Variants in PLD5 observed in about 807,000 individuals in gnomAD.
PLD5 encodes inactive phospholipase D5.
A neutral mutation model predicts 61.1 loss-of-function variants in PLD5; 36 were observed. The observed-to-expected ratio is 0.59, with a 90% confidence interval of 0.45 to 0.78. The LOEUF (loss-of-function observed/expected upper bound fraction) is 0.78. PLD5 is among the 30% of genes least tolerant of loss of function. The pLI, the probability that PLD5 is intolerant of heterozygous loss-of-function variation, is 0.00. For synonymous variants in PLD5, 243 were observed against 242.8 expected (o/e 1.00, Z -0.01); for missense variants, 515 against 644.4 (o/e 0.80, Z 2.17).
At chr1:242,388,306 C>A (rs545725657) in intron 1 of PLD5, among the ~76,000 whole-genome samples, 36 of 152,226 alleles carry the variant, frequency 2.4e-4, no homozygotes, top group African/African-American at 8.7e-4. Flanking sequence ...GTGATGAGCA[C>A]CTATGTGAAA....
chr1:242,208,282 C>T (rs1669573738), intron 5 of PLD5, among the ~76,000 whole-genome samples: 1 of 152,078 alleles, frequency 6.6e-6, no homozygotes, highest in Admixed American at 6.6e-5. Context: ...TCCATCTTCT[C>T]TCTGTGACCC....
chr1:242,300,679 CA>C (rs1363374280), intron 2 of PLD5, among the ~76,000 whole-genome samples: 4 of 151,430 alleles, frequency 2.6e-5, no homozygotes, highest in Non-Finnish European at 4.4e-5. Context: ...GTGGATTGGA[CA>C]GGGGTGGAAC....
At chr1:242,182,597 C>A (rs975538251) in intron 5 of PLD5, among the ~76,000 whole-genome samples, 4 of 152,148 alleles carry the variant, frequency 2.6e-5, no homozygotes, top group Non-Finnish European at 4.4e-5. Flanking sequence ...AATTCCAGCA[C>A]TTTGGGAGGC....
intron 9 of PLD5, among the ~76,000 whole-genome samples, chr1:242,097,853 T>C (rs1660370714): frequency 6.6e-6 from 1 of 152,202 alleles, no homozygotes; most frequent in Admixed American, 6.5e-5. Flanking sequence ...TTGCCTAGGT[T>C]TTCTTCTAGG....
chr1:242,316,357 A>G (rs1268869203), intron 2 of PLD5, among the ~76,000 whole-genome samples: 2 of 152,132 alleles, frequency 1.3e-5, no homozygotes, highest in Non-Finnish European at 2.9e-5. Context: ...GTGCTCTGTT[A>G]CTGGAGCACA....
Position 242,394,957 on chromosome 1 carries a change from G to GAATATATA in PLD5, c.190-46723_190-46716dup, listed in dbSNP as rs1558527782. On this transcript the variant is annotated intron_variant, in intron 1 of 9. Transcript: ENST00000536534. ...TATATGAATATATATGATTATATAT[G>GAATATATA]AATATATATGATTATATATGAATAT... Among the ~76,000 whole-genome samples the GAATATATA allele has an allele frequency of 9.7e-5, 10 of 102,852 alleles. 1 individual carries two copies. Among genetic ancestry groups the GAATATATA allele is most frequent in the African/African-American group, 2.3e-4 (6 of 25,794 alleles). 67.5% of individuals were successfully genotyped at this position (102,852 alleles called of 152,430 possible). A position where few individuals can be genotyped will look rare whatever the true frequency, so the allele number is the denominator to read the frequency against.
chr1:242,355,880 G>A (rs1660725551), intron 1 of PLD5, among the ~76,000 whole-genome samples: 1 of 151,828 alleles, frequency 6.6e-6, no homozygotes, highest in Non-Finnish European at 1.5e-5. Flanking sequence ...TAATTTCATT[G>A]AGTTTTCTGA....
chr1:242,372,586 A>G lies in PLD5; in HGVS notation c.190-24344T>C, dbSNP rs565303864. On this transcript the variant is annotated intron_variant, in intron 1 of 9. Transcript: ENST00000536534. The stretch of plus-strand genomic sequence containing the variant: ...ACCAAAACAGCATGGCACTGGTACC[A>G]AAACAGAGATATAGACCAATCAAAC... Among the ~76,000 whole-genome samples, 6 of 152,364 alleles carry G rather than the reference A, an allele frequency of 3.9e-5. No homozygotes were observed. The East Asian group carries it at 1.2e-3, about 29-fold the overall frequency.
At chr1:242,229,682 G>A (rs1401131037) in intron 4 of PLD5, among the ~76,000 whole-genome samples, 1 of 151,962 alleles carries the variant, frequency 6.6e-6, no homozygotes, top group Non-Finnish European at 1.5e-5. Context: ...TTTGTTTGCT[G>A]CGAGTGAAGA....
At position 242,164,441 on chromosome 1, in the gene PLD5, G is replaced by T. The variant is rs953382135; in HGVS notation, c.736-39776C>A. Among the ~76,000 whole-genome samples, 16 of 151,802 alleles carry T rather than the reference G, an allele frequency of 1.1e-4. 1 individual carries two copies. The highest frequency in any genetic ancestry group is 3.9e-4 in the African/African-American group (16 of 41,350). ...ATCTCCAGTATTGTTCTTGAAGCAT[G>T]ACCAGTCTCCAGATTCACTGACGGG... is the stretch of plus-strand genomic sequence containing the variant. On this transcript the variant is annotated intron_variant, in intron 5 of 9. Coordinates refer to ENST00000536534, the MANE Select transcript of PLD5 (RefSeq NM_001372062.1).
At chr1:242,189,445 C>CAA (rs58476673) in intron 5 of PLD5, among the ~76,000 whole-genome samples, 180 of 70,258 alleles carry the variant, frequency 2.6e-3, no homozygotes, top group East Asian at 4.2e-3. Context: ...GACTCCATCT[C>CAA]AAAAAAAAAA....
intron 5 of PLD5, among the ~76,000 whole-genome samples, chr1:242,144,084 G>A (rs964336168): frequency 7.2e-5 from 11 of 152,004 alleles, no homozygotes; most frequent in African/African-American, 2.7e-4. Flanking sequence ...TGACCAGGCT[G>A]GTCTTGATTC....
intron 9 of PLD5, among the ~76,000 whole-genome samples, chr1:242,099,237 C>G (rs769297983): frequency 6.4e-4 from 98 of 152,226 alleles, no homozygotes; most frequent in Non-Finnish European, 1.2e-3. Flanking sequence ...TTCTCCCTGC[C>G]TTGGCCTCCC....
chr1:242,314,770 C>T (rs1676906039), intron 2 of PLD5, among the ~76,000 whole-genome samples: 2 of 151,934 alleles, frequency 1.3e-5, no homozygotes, highest in African/African-American at 4.8e-5. Flanking sequence ...CTCTCTCCCA[C>T]AGATGGCTCC....
Position 242,112,339 on chromosome 1 carries a change from G to GATAGATAGATAGATAGATAGATAGA in PLD5, c.1070+1550_1070+1551insTCTATCTATCTATCTATCTATCTAT, listed in dbSNP as rs1558233108. Among the ~76,000 whole-genome samples, 31 of 143,422 alleles carry GATAGATAGATAGATAGATAGATAGA rather than the reference G, an allele frequency of 2.2e-4. 2 individuals carry two copies. The highest frequency in any genetic ancestry group is 8.0e-4 in the African/African-American group (31 of 38,992). The allele number at this position is 143,422 out of a possible 152,430, so 94.1% of individuals were successfully genotyped here. On this transcript the variant is annotated intron_variant, in intron 7 of 9. Coordinates refer to ENST00000536534, the MANE Select transcript of PLD5 (RefSeq NM_001372062.1). ...TGTGTGTGTGTATGTATGTATATGT[G>GATAGATAGATAGATAGATAGATAGA]TATATATATATATAGATGGAGTCTC...
At chr1:242,281,757 C>T (rs1243827989) in intron 3 of PLD5, among the ~76,000 whole-genome samples, 1 of 152,096 alleles carries the variant, frequency 6.6e-6, no homozygotes, top group African/African-American at 2.4e-5. Context: ...AGATGTTTTC[C>T]AAAGCTGAAG....
chr1:242,142,714 T>TC (rs1664254081), intron 5 of PLD5, among the ~76,000 whole-genome samples: 10 of 90,088 alleles, frequency 1.1e-4, no homozygotes, highest in Admixed American at 1.9e-4. Flanking sequence ...AGCTGTGTCT[T>TC]TCTCTCTCTC....
chr1:242,205,325 A>G (rs74150851), intron 5 of PLD5, among the ~76,000 whole-genome samples: 5,351 of 152,296 alleles, frequency 0.035, 261 homozygotes, highest in African/African-American at 0.11. Flanking sequence ...TGGTTTTGGG[A>G]GAGTAAAAAA....
chr1:242,232,921 C>T (rs1467947121), intron 4 of PLD5, among the ~76,000 whole-genome samples: 3 of 152,032 alleles, frequency 2.0e-5, no homozygotes, highest in African/African-American at 7.3e-5. Flanking sequence ...TTGAGAGGTC[C>T]AGACAGGTGG....
Sources: allele counts gnomAD v4.1 joint callset (sites outside exome capture counted in the v4.1 genomes callset), GRCh38; gene constraint gnomAD v4.1.1; transcripts MANE v1.5; gene names NCBI Gene and HGNC (gene_info 2026-07-23, HGNC 2026-07-21).